TFIP11: variants seen among roughly 807,000 people sequenced by gnomAD.
TFIP11 encodes the protein tuftelin-interacting protein 11.
In TFIP11, 86 loss-of-function variants were observed where a neutral mutation model predicts 96.8. The observed-to-expected ratio is 0.89, with a 90% CI of 0.75 to 1.06. The LOEUF is 1.06. Ranked by LOEUF, TFIP11 falls within the 50% of genes least tolerant of loss-of-function variation. TFIP11 has a pLI of 0.00. For synonymous variants in TFIP11, 405 were observed against 395.2 expected, an observed-to-expected ratio of 1.02 and a Z score of -0.29; for missense variants, 881 against 1,076.7, an observed-to-expected ratio of 0.82 and a Z score of 2.54.
intron 4 of TFIP11, among the ~76,000 whole-genome samples, chr22:26,508,283 A>G (rs1923662583): frequency 6.6e-6 from 1 of 152,190 alleles, no homozygotes; most frequent in African/African-American, 2.4e-5. Flanking sequence ...CCAGGTTCCA[A>G]TTCTAGCTTA....
In TFIP11 at chr22:26,496,174, G is replaced by A; in HGVS notation, c.1748C>T (p.Pro583Leu). ...GATGAGCTTGGCAGAGGAGTCGCTG[G>A]GGTGCCACTTCTGCAGGGCGCTGGA... ...KLSSALQKWH[P>L]SDSSAKLILQ... The change falls in exon 12 of 15, where the codon CCC becomes CTC. Residue 583 changes from proline to leucine, a missense_variant. By Grantham distance (98) the Pro-to-Leu change is moderately conservative. Transcript: ENST00000407690. 6.2e-7 allele frequency: 1 copy of A among 1,613,888 alleles called. No homozygotes were observed.
In TFIP11 at chr22:26,506,845, G is replaced by C; in HGVS notation, c.293C>G (p.Ser98Cys). 1 of 1,614,180 alleles carries C rather than the reference G, an allele frequency of 6.2e-7. No individual in the cohort carries two copies. The highest frequency in any genetic ancestry group is 1.1e-5 in the South Asian group (1 of 91,082). The change falls in exon 5 of 15, where the codon TCT becomes TGT. Residue 98 changes from serine (S) to cysteine (C), a missense_variant. Transcript: ENST00000407690. ...GAAEEAELEDSDDEEKPVKQD... is the reference protein window; with the variant it reads ...GAAEEAELEDCDDEEKPVKQD... Reference sequence around the variant, plus strand: ...CTTAACAGGTTTCTCTTCGTCATCAGAATCTTCCAACTCTGCCTCCTCCGC... The same window carrying C: ...CTTAACAGGTTTCTCTTCGTCATCACAATCTTCCAACTCTGCCTCCTCCGC...
chr22:26,496,935 G>A (rs1189680707), intron 10 of TFIP11, 46 bp from the exon 11 acceptor site: 2 of 1,598,192 alleles, frequency 1.3e-6, no homozygotes, highest in Admixed American at 3.4e-5. Context: ...ACACTGACTG[G>A]TTTCAAAGTA....
intron 6 of TFIP11, among the ~76,000 whole-genome samples, chr22:26,505,576 C>T (rs148580103): frequency 6.6e-6 from 1 of 152,246 alleles, no homozygotes. Flanking sequence ...CCATGTCCAT[C>T]GTCCCAGGAG....
intron 13 of TFIP11, 108 bp from the exon 14 acceptor site, chr22:26,494,412 CTACTT>C (rs761492457): frequency 3.0e-6 from 4 of 1,313,098 alleles, no homozygotes; most frequent in East Asian, 2.3e-5. Flanking sequence ...GCTAGTGACA[CTACTT>C]TACAGGGATT....
chr22:26,494,960 G>A (rs753095212), intron 12 of TFIP11, 21 bp from the exon 13 acceptor site: 1 of 1,614,022 alleles, frequency 6.2e-7, no homozygotes, highest in Non-Finnish European at 8.5e-7. Flanking sequence ...AACCCGGTCT[G>A]TAAGGCACAG....
Position 26,496,877 on chromosome 22 carries a change from T to C in TFIP11, c.1449A>G (p.Glu483=), listed in dbSNP as rs1259371418. ...SADAFHRLIW[E]VWMPFVRNIV... ...TATTTCGAACAAAAGGCATCCAGAC[T>C]TCCCATATCAACCTATGGGAGAAAG... Residue 483 remains glutamate (E), a synonymous_variant, in exon 11 of 15, where the codon GAA becomes GAG. Coordinates refer to ENST00000407690, the MANE Select transcript of TFIP11 (RefSeq NM_012143.4). 6.2e-7 allele frequency: 1 copy of C among 1,613,998 alleles called. No homozygotes were observed. Among genetic ancestry groups the C allele is most frequent in the South Asian group, 1.1e-5 (1 of 91,064 alleles).
chr22:26,495,260 CTTTTTTTTTTTTTTTTT>C (rs150268332), intron 12 of TFIP11, among the ~76,000 whole-genome samples: 21 of 59,176 alleles, frequency 3.5e-4, no homozygotes, highest in Admixed American at 1.2e-3. Flanking sequence ...CAACTCCTGG[CTTTTTTTTTTTTTTTTT>C]TTTTTTTTTT....
intron 10 of TFIP11, among the ~76,000 whole-genome samples, chr22:26,498,442 C>T (rs528591248): frequency 6.6e-6 from 1 of 150,458 alleles, no homozygotes; most frequent in Non-Finnish European, 1.5e-5. Flanking sequence ...ACTTGGGAGG[C>T]TGAGGCAGGA....
chr22:26,498,165 A>C (rs1011040192), intron 10 of TFIP11, among the ~76,000 whole-genome samples: 1 of 152,222 alleles, frequency 6.6e-6, no homozygotes, highest in African/African-American at 2.4e-5. Flanking sequence ...GTGGAAGCTA[A>C]GTTATGAGGA....
At chr22:26,509,081 TCA>T (rs990529857) in intron 4 of TFIP11, among the ~76,000 whole-genome samples, 5 of 152,148 alleles carry the variant, frequency 3.3e-5, no homozygotes, top group African/African-American at 9.7e-5. Context: ...CTTGGCCTCC[TCA>T]CAGTCTTCCA....
At position 26,494,862 on chromosome 22, in the gene TFIP11, C is replaced by G. The variant is rs1921719996; in HGVS notation, c.1927G>C (p.Gly643Arg). The G allele has an allele frequency of 1.2e-6, 2 of 1,614,222 alleles. No homozygotes were observed. The highest frequency in any genetic ancestry group is 1.7e-6 in the Non-Finnish European group (2 of 1,180,040). The part of the protein sequence containing the change: ...DAFYWVIDWE[G>R]MISVSSLVGL... ...ACCAGGCTAGAGACAGAGATCATCC[C>G]TTCCCAGTCAATCACCCAATAGAAT... is the stretch of plus-strand genomic sequence containing the variant. The change falls in exon 13 of 15, where the codon GGG becomes CGG. Residue 643 changes from glycine to arginine, a missense_variant. By Grantham distance (125) the Gly-to-Arg change is moderately radical (BLOSUM62 -2). Transcript: ENST00000407690.
rs1924146964 is a variant in TFIP11 at position 26,512,122 on chromosome 22, C to G, written c.-119G>C. ...ACCCTAGGTTCCACTGCTCATAGGG[C>G]TCAAACTCAGGAGTGCTAGAAGTCA... On this transcript the variant is annotated 5_prime_UTR_variant, in exon 2 of 15. Coordinates refer to ENST00000407690, the MANE Select transcript of TFIP11 (RefSeq NM_012143.4). 6.6e-6 allele frequency: 1 copy of G among 152,194 alleles called. No homozygotes were observed. The highest frequency in any genetic ancestry group is 6.5e-5 in the Admixed American group (1 of 15,276). The allele number at this position is 152,194 out of a possible 1,614,324, so 9.4% of individuals were successfully genotyped here. A position where few individuals can be genotyped will look rare whatever the true frequency, so the allele number is the denominator to read the frequency against.
At chr22:26,505,091 GTTA>G (rs371225004) in intron 6 of TFIP11, among the ~76,000 whole-genome samples, 2 of 151,982 alleles carry the variant, frequency 1.3e-5, no homozygotes, top group Middle Eastern at 3.4e-3. Context: ...AAATAATAAT[GTTA>G]TTATTATTAT....
chr22:26,496,986 G>A, intron 10 of TFIP11, 97 bp from the exon 11 acceptor site: 2 of 1,410,832 alleles, frequency 1.4e-6, no homozygotes, highest in South Asian at 2.6e-5. Context: ...GAATAAAAAT[G>A]CAACAGCATG....
At chr22:26,510,481 ATAC>A in intron 3 of TFIP11, 133 bp downstream of exon 3, 1 of 581,688 alleles carries the variant, frequency 1.7e-6, no homozygotes, top group Non-Finnish European at 3.1e-6. Context: ...GGTGAACAAA[ATAC>A]TACTCCTAAC....
intron 14 of TFIP11, 75 bp from the exon 15 acceptor site, chr22:26,492,443 A>G (rs1921340638): frequency 7.1e-7 from 1 of 1,411,898 alleles, no homozygotes; most frequent in East Asian, 2.3e-5. Context: ...GGCTTGGCCC[A>G]GGTCTTGGGT....
intron 14 of TFIP11, chr22:26,492,926 G>T (rs1051194871): frequency 6.5e-6 from 1 of 153,444 alleles, no homozygotes; most frequent in Admixed American, 6.5e-5. Context: ...TGAGGCCAAG[G>T]GTAGCTAAGG....
At chr22:26,503,582 G>A (rs950594360) in intron 7 of TFIP11, 84 bp downstream of exon 7, 1 of 1,540,158 alleles carries the variant, frequency 6.5e-7, no homozygotes, top group Non-Finnish European at 8.9e-7. Context: ...AAACATCTGA[G>A]GACTAACAGA....
Sources: allele counts gnomAD v4.1 joint callset (sites outside exome capture counted in the v4.1 genomes callset), GRCh38; gene constraint gnomAD v4.1.1; transcripts MANE v1.5; gene names NCBI Gene and HGNC (gene_info 2026-07-23, HGNC 2026-07-21).